The following ABTB3 variants were observed in gnomAD, a reference collection of about 807,000 sequenced individuals.
The protein encoded by ABTB3 is ankyrin repeat- and BTB/POZ domain-containing protein 3.
chr12:107,397,090 G>A, the ABTB3 span, among the ~76,000 whole-genome samples: 6 of 152,220 alleles, frequency 3.9e-5, no homozygotes, highest in Admixed American at 1.3e-4. Context: ...TGTGGGGATC[G>A]TCTTCTGTGC....
At chr12:107,405,804 T>C in the ABTB3 span, among the ~76,000 whole-genome samples, 3 of 152,226 alleles carry the variant, frequency 2.0e-5, no homozygotes, top group Non-Finnish European at 4.4e-5. Context: ...CTAGGGCCCA[T>C]CGTCTGCATG....
chr12:107,447,881 C>T, the ABTB3 span, among the ~76,000 whole-genome samples: 39 of 152,158 alleles, frequency 2.6e-4, no homozygotes, highest in Admixed American at 2.6e-3. Flanking sequence ...CCTCTGAGCT[C>T]CCTCCGGGTC....
chr12:107,436,725 T>C, the ABTB3 span, among the ~76,000 whole-genome samples: 1 of 152,144 alleles, frequency 6.6e-6, no homozygotes, highest in South Asian at 2.1e-4. Context: ...CAGCGCATGG[T>C]GGGACTTCTG....
the ABTB3 span, among the ~76,000 whole-genome samples, chr12:107,381,515 G>A: frequency 6.6e-6 from 1 of 152,236 alleles, no homozygotes; most frequent in Non-Finnish European, 1.5e-5. Flanking sequence ...GAGAGCTCCG[G>A]GTAGGAACAG....
At chr12:107,594,439 G>A in the ABTB3 span, among the ~76,000 whole-genome samples, 1 of 152,134 alleles carries the variant, frequency 6.6e-6, no homozygotes. Context: ...TTCAGTAGCA[G>A]CATTAAACAG....
At chr12:107,341,560 A>T in the ABTB3 span, among the ~76,000 whole-genome samples, 1 of 152,210 alleles carries the variant, frequency 6.6e-6, no homozygotes. Flanking sequence ...TTTGGTGTGC[A>T]GTCTTTCTGG....
the ABTB3 span, among the ~76,000 whole-genome samples, chr12:107,396,270 C>T: frequency 6.6e-6 from 1 of 152,206 alleles, no homozygotes; most frequent in African/African-American, 2.4e-5. Context: ...CAATGCCTGC[C>T]ACTCACAGCT....
chr12:107,503,756 C>CAAAAAAAAAAAAAAAAA, the ABTB3 span, among the ~76,000 whole-genome samples: 27 of 70,670 alleles, frequency 3.8e-4, no homozygotes, highest in Non-Finnish European at 4.2e-4. Flanking sequence ...GACCCTATCT[C>CAAAAAAAAAAAAAAAAA]AAAAAAAAAA....
chr12:107,573,509 G>A, the ABTB3 span, among the ~76,000 whole-genome samples: 1 of 152,060 alleles, frequency 6.6e-6, no homozygotes. Flanking sequence ...TGGATGGATG[G>A]ATAGATGGAA....
chr12:107,465,068 A>C, the ABTB3 span, among the ~76,000 whole-genome samples: 1 of 152,116 alleles, frequency 6.6e-6, no homozygotes, highest in African/African-American at 2.4e-5. Context: ...TAAGAATTGA[A>C]GTCAGGGAAG....
the ABTB3 span, among the ~76,000 whole-genome samples, chr12:107,360,999 T>C: frequency 7.8e-6 from 1 of 127,580 alleles, no homozygotes; most frequent in South Asian, 2.6e-4. Flanking sequence ...GTCAAACCCC[T>C]GGGCTCAAAA....
the ABTB3 span, chr12:107,618,512 A>ACACAC: frequency 1.3e-6 from 1 of 755,248 alleles, no homozygotes. Flanking sequence ...ACACACACAC[A>ACACAC]AGGGGACCCA....
At chr12:107,466,843 C>A in the ABTB3 span, among the ~76,000 whole-genome samples, 1 of 151,992 alleles carries the variant, frequency 6.6e-6, no homozygotes, top group Non-Finnish European at 1.5e-5. Flanking sequence ...AATGCCTCAC[C>A]GAGGAAGAAG....
chr12:107,541,277 A>T, the ABTB3 span, among the ~76,000 whole-genome samples: 13 of 152,216 alleles, frequency 8.5e-5, no homozygotes, highest in African/African-American at 2.7e-4. Context: ...TGTCACGTTG[A>T]AAGGTACAGC....
the ABTB3 span, among the ~76,000 whole-genome samples, chr12:107,444,292 TA>T: frequency 6.6e-6 from 1 of 152,264 alleles, no homozygotes; most frequent in Admixed American, 6.5e-5. Flanking sequence ...CATTGGCATA[TA>T]AGTTAGAACC....
chr12:107,572,858 A>G, the ABTB3 span, among the ~76,000 whole-genome samples: 1 of 152,104 alleles, frequency 6.6e-6, no homozygotes, highest in African/African-American at 2.4e-5. Flanking sequence ...CTCTGCCTAG[A>G]CCTGCCTGTC....
At chr12:107,350,063 G>A in the ABTB3 span, among the ~76,000 whole-genome samples, 10 of 152,334 alleles carry the variant, frequency 6.6e-5, no homozygotes, top group African/African-American at 2.4e-4. Context: ...TTTCCACTGA[G>A]TAATCCAGGA....
chr12:107,617,771 T>G, the ABTB3 span: 1 of 362,044 alleles, frequency 2.8e-6, no homozygotes. Context: ...AAACCTTTCA[T>G]ATTTGGTGAC....
chr12:107,581,060 G>A, the ABTB3 span: 8 of 1,541,996 alleles, frequency 5.2e-6, no homozygotes, highest in South Asian at 6.0e-5. Flanking sequence ...GAGATGGGGG[G>A]ATCCCCGCGA....
Sources: allele counts gnomAD v4.1 joint callset (sites outside exome capture counted in the v4.1 genomes callset), GRCh38; gene constraint gnomAD v4.1.1; transcripts MANE v1.5; gene names NCBI Gene and HGNC (gene_info 2026-07-23, HGNC 2026-07-21).